NOXA1: variants seen among roughly 807,000 people sequenced by gnomAD.
NOXA1 encodes NCF2-like protein.
Under a neutral mutation model 64.8 loss-of-function variants are expected in NOXA1, and 56 were observed. That is an observed-to-expected ratio of 0.86 (90% CI 0.70 to 1.08). NOXA1 has a LOEUF of 1.08. NOXA1 is among the 50% of genes least tolerant of loss of function. The probability of loss-of-function intolerance (pLI) is 0.00; values close to 1 mark genes in which losing one functional copy is unlikely to be tolerated. For missense variants in NOXA1, 668 were observed against 658.5 expected, an observed-to-expected ratio of 1.01 and a Z score of -0.16; for synonymous variants, 295 against 294.8, an observed-to-expected ratio of 1.00 and a Z score of -0.01.
At chr9:137,429,144 G>A in intron 4 of NOXA1, 128 bp downstream of exon 4, 9 of 1,379,558 alleles carry the variant, frequency 6.5e-6, no homozygotes, top group Middle Eastern at 2.0e-4. Flanking sequence ...TGCCAGGCGG[G>A]GGCTTCCTGT....
In NOXA1 at chr9:137,431,050, C is replaced by A; in HGVS notation, c.673-25C>A. 2 of 1,613,220 alleles carry A rather than the reference C, an allele frequency of 1.2e-6. No homozygotes were observed. Among genetic ancestry groups the A allele is most frequent in the East Asian group, 2.2e-5 (1 of 44,890 alleles). On this transcript the variant is annotated intron_variant, in intron 6 of 13. Coordinates refer to ENST00000683555, the MANE Select transcript of NOXA1 (RefSeq NM_001256067.2). This position sits in a 1 kb window ranked among gnomAD's most constrained non-coding sequence, Gnocchi z 5.6. ...GGCGGCCCCCGACCCTTAACCAGAG[C>A]GAGGTTGTTGCTTTGTGTCCACAGG... is the stretch of plus-strand genomic sequence containing the variant.
rs761437751 is a variant in NOXA1, at chr9:137,423,544, G to A, written c.15G>A (p.Gly5=). ...CACCGGCCGCCATGGCCTCTCTGGG[G>A]GACCTGGTGCGCGCCTGGCACCTGG... MASL[G]DLVRAWHLGA... is the part of the protein sequence containing the mutation. The change falls in exon 1 of 14, where the codon GGG becomes GGA. Residue 5 remains glycine (G), a synonymous_variant. Coordinates refer to ENST00000683555, the MANE Select transcript of NOXA1 (RefSeq NM_001256067.2). 6 of 1,433,004 alleles carry A rather than the reference G, an allele frequency of 4.2e-6. No individual in the cohort carries two copies. The South Asian group carries it at 7.3e-5, about 17-fold the overall frequency. The allele number at this position is 1,433,004 out of a possible 1,614,324, so 88.8% of individuals were successfully genotyped here. A position where few individuals can be genotyped will look rare whatever the true frequency, so the allele number is the denominator to read the frequency against.
At position 137,434,295 on chromosome 9, in the gene NOXA1, G is replaced by C. The variant is rs199687966; in HGVS notation, c.1366G>C (p.Ala456Pro). The C allele has an allele frequency of 4.7e-4, 762 of 1,610,628 alleles. No homozygotes were observed. Among genetic ancestry groups the C allele is most frequent in the Non-Finnish European group, 6.2e-4 (735 of 1,179,468 alleles). ...GIFPKCFVVP[A>P]GPRMSGAPGR... ...CTTCCCCAAGTGCTTCGTGGTCCCC[G>C]CCGGCCCTCGGATGTCAGGAGCCCC... Residue 456 changes from alanine (A) to proline (P), a missense_variant, in exon 14 of 14, where the codon GCC (alanine) becomes CCC (proline). Coordinates refer to ENST00000683555, the MANE Select transcript of NOXA1 (RefSeq NM_001256067.2).
Position 137,431,387 on chromosome 9 carries a change from G to T in NOXA1, c.804+46G>T, listed in dbSNP as rs753388284. ...TCCCCTGCTGGGGGTCGGTGCTTCT[G>T]CTGCCTCCGCAGACTGGGGACCACA... On this transcript the variant is annotated intron_variant, in intron 8 of 13. Transcript: ENST00000683555. The surrounding 1 kb of genome is among the most constrained non-coding windows in gnomAD (Gnocchi z 5.6). The T allele has an allele frequency of 2.4e-5, 35 of 1,484,606 alleles. No individual in the cohort carries two copies. The highest frequency in any genetic ancestry group is 3.2e-5 in the Non-Finnish European group (34 of 1,075,916). The allele number at this position is 1,484,606 out of a possible 1,614,324, so 92.0% of individuals were successfully genotyped here. A position where few individuals can be genotyped will look rare whatever the true frequency, so the allele number is the denominator to read the frequency against.
At position 137,428,285 on chromosome 9, in the gene NOXA1, G is replaced by T. The variant is rs948859762; in HGVS notation, c.369+144G>T. 6 of 627,510 alleles carry T rather than the reference G, an allele frequency of 9.6e-6. No individual in the cohort carries two copies. The Admixed American group carries it at 1.7e-4, about 18-fold the overall frequency. 38.9% of individuals were successfully genotyped at this position (627,510 alleles called of 1,614,324 possible). A position where few individuals can be genotyped will look rare whatever the true frequency, so the allele number is the denominator to read the frequency against. On this transcript the variant is annotated intron_variant, in intron 3 of 13. Coordinates refer to ENST00000683555, the MANE Select transcript of NOXA1 (RefSeq NM_001256067.2). Reference sequence around the variant, plus strand: ...GAATACCCTGGCCACTCCTTGACCCGCAGGAGGTTCTGGTGGCAGTGGAGG... The same window carrying T: ...GAATACCCTGGCCACTCCTTGACCCTCAGGAGGTTCTGGTGGCAGTGGAGG...
At chr9:137,433,906 C>CCTCCACCGCCCCTCA in intron 12 of NOXA1, 42 bp downstream of exon 12, 1 of 1,486,642 alleles carries the variant, frequency 6.7e-7, no homozygotes, top group Non-Finnish European at 9.0e-7. Context: ...CCCTGAGGGG[C>CCTCCACCGCCCCTCA]GGTGGAGGCC....
rs1377503713 is a variant in NOXA1, at chr9:137,433,974, G to T, written c.1189G>T (p.Gly397Cys). Residue 397 changes from glycine to cysteine, a missense_variant, in exon 13 of 14, where the codon GGT (glycine) becomes TGT (cysteine). Physicochemically the swap from Gly to Cys is radical, Grantham distance 159 (BLOSUM62 -3). Coordinates refer to ENST00000683555, the MANE Select transcript of NOXA1 (RefSeq NM_001256067.2). ...GLQLQCRGAGGRPVLYQVVAQ... is the reference protein window; with the variant it reads ...GLQLQCRGAGCRPVLYQVVAQ... The stretch of plus-strand genomic sequence containing the variant: ...CACTCTCCTGCCTCAGGGAGCCGGG[G>T]GTCGGCCGGTCCTCTACCAGGTGGT... 1.3e-6 allele frequency: 2 copies of T among 1,548,340 alleles called. No homozygotes were observed. Among genetic ancestry groups the T allele is most frequent in the East Asian group, 4.8e-5 (2 of 41,692 alleles).
intron 1 of NOXA1, 75 bp from the exon 2 acceptor site, chr9:137,426,173 C>T (rs1838840871): frequency 3.0e-6 from 4 of 1,322,978 alleles, no homozygotes; most frequent in Admixed American, 1.7e-5. Context: ...GGCCCTGTCA[C>T]CCATCACGCT....
rs532339994 is a variant in NOXA1, at chr9:137,425,826, C to T, written c.178-422C>T. On this transcript the variant is annotated intron_variant, in intron 1 of 13. Coordinates refer to ENST00000683555, the MANE Select transcript of NOXA1 (RefSeq NM_001256067.2). ...GGCGGAGGCAGCAGTGAGCCAAGAT[C>T]GAGCCACTGCACTCCAGCCTGGGTG... Among the ~76,000 whole-genome samples, 8 of 150,854 alleles carry T rather than the reference C, an allele frequency of 5.3e-5. 1 individual carries two copies. In the South Asian group the frequency reaches 1.1e-3, roughly 20 times the overall value.
intron 3 of NOXA1, 57 bp from the exon 4 acceptor site, chr9:137,428,825 G>T (rs1388510299): frequency 6.7e-7 from 1 of 1,500,524 alleles, no homozygotes; most frequent in Non-Finnish European, 8.9e-7. Flanking sequence ...TGGGGGAACC[G>T]GGAGAGGGCC....
chr9:137,430,034 T>C (rs1270701964), intron 5 of NOXA1, among the ~76,000 whole-genome samples: 27 of 71,252 alleles, frequency 3.8e-4, no homozygotes, highest in South Asian at 1.2e-3. Context: ...TGCCTGTGTC[T>C]CTGCCACAGC....
chr9:137,429,545 G>C (rs1392913970), intron 5 of NOXA1, among the ~76,000 whole-genome samples, 162 bp downstream of exon 5: 1 of 152,180 alleles, frequency 6.6e-6, no homozygotes. Flanking sequence ...GTAGGGGGGC[G>C]GTGCCCCAAA....
intron 1 of NOXA1, among the ~76,000 whole-genome samples, chr9:137,425,533 G>A (rs1292340499): frequency 1.3e-5 from 2 of 152,260 alleles, no homozygotes; most frequent in Admixed American, 6.5e-5. Context: ...CTACAGGCGC[G>A]TGCCGCCATG....
chr9:137,429,209 G>T, intron 4 of NOXA1, 67 bp from the exon 5 acceptor site: 1 of 1,374,598 alleles, frequency 7.3e-7, no homozygotes, highest in Non-Finnish European at 9.8e-7. Flanking sequence ...CCAAGGCACA[G>T]GGGCTCTGCG....
At chr9:137,424,464 C>T (rs1838750730) in intron 1 of NOXA1, among the ~76,000 whole-genome samples, 1 of 152,180 alleles carries the variant, frequency 6.6e-6, no homozygotes, top group Non-Finnish European at 1.5e-5. Flanking sequence ...AAGATGGAGT[C>T]TCGTTCTGTC....
At position 137,431,288 on chromosome 9, in the gene NOXA1, G is replaced by C; in HGVS notation, c.751G>C (p.Ala251Pro). The change falls in exon 8 of 14, where the codon GCA becomes CCA. Residue 251 changes from alanine (A) to proline (P), a missense_variant. Physicochemically the swap from Ala to Pro is conservative, Grantham distance 27. Transcript: ENST00000683555. This position sits in a 1 kb window ranked among gnomAD's most constrained non-coding sequence, Gnocchi z 5.6. ...TGGCACCCACCAGGGCCCCCTCGAT[G>C]CAGAGACAGAGGTCGGTGCTGACCG... is the stretch of plus-strand genomic sequence containing the variant. ...RAGTHQGPLD[A>P]ETEVGADRCT... is the part of the protein sequence containing the mutation. 1 of 1,612,594 alleles carries C rather than the reference G, an allele frequency of 6.2e-7. No homozygotes were observed. Among genetic ancestry groups the C allele is most frequent in the African/African-American group, 1.3e-5 (1 of 75,062 alleles).
At chr9:137,425,164 CCACTCAGCCAGATTTGTG>C (rs1838800558) in intron 1 of NOXA1, among the ~76,000 whole-genome samples, 1 of 152,200 alleles carries the variant, frequency 6.6e-6, no homozygotes, top group Non-Finnish European at 1.5e-5. Context: ...CGACAAGCCC[CCACTCAGCCAGATTTGTG>C]AAAGAGACCG....
At chr9:137,430,677 C>T (rs1317941835) in intron 5 of NOXA1, 107 bp from the exon 6 acceptor site, 3 of 947,704 alleles carry the variant, frequency 3.2e-6, no homozygotes, top group African/African-American at 1.7e-5. Flanking sequence ...CAGCTGTCAC[C>T]CAGCCCCCGG....
At chr9:137,433,925 C>G (rs1357513216) in intron 12 of NOXA1, 40 bp from the exon 13 acceptor site, 1 of 1,513,770 alleles carries the variant, frequency 6.6e-7, no homozygotes, top group Non-Finnish European at 8.8e-7. Context: ...CCCCTCCTCC[C>G]AGTGCCCGGC....
Sources: gnomAD v4.1 joint callset for allele counts (sites outside exome capture counted in the v4.1 genomes callset) on GRCh38, gnomAD v4.1.1 for gene constraint, Gnocchi (gnomAD v3.1) non-coding constraint, MANE v1.5 for transcripts, NCBI Gene and HGNC (gene_info 2026-07-23, HGNC 2026-07-21) for gene names.